ADAMTS12: variants seen among roughly 807,000 people sequenced by gnomAD.
ADAMTS12 encodes the protein ADAM metallopeptidase with thrombospondin type 1 motif 12, also known as A disintegrin and metalloproteinase with thrombospondin motifs 12.
A neutral mutation model predicts 167.8 loss-of-function variants in ADAMTS12; 118 were observed. That is an observed-to-expected ratio of 0.70 (90% confidence interval 0.61 to 0.82). The LOEUF is 0.82. Ranked by LOEUF, ADAMTS12 falls within the 40% of genes least tolerant of loss-of-function variation. ADAMTS12 has a pLI of 0.00. For synonymous variants in ADAMTS12, 704 were observed against 716.9 expected, an observed-to-expected ratio of 0.98 and a Z score of 0.29; for missense variants, 1,916 against 1,998.8, an observed-to-expected ratio of 0.96 and a Z score of 0.79.
intron 2 of ADAMTS12, among the ~76,000 whole-genome samples, chr5:33,754,872 A>G (rs770479783): frequency 3.5e-4 from 54 of 152,332 alleles, no homozygotes; most frequent in Middle Eastern, 6.8e-3. Flanking sequence ...AAATAAATAA[A>G]TAAATAAATA....
intron 1 of ADAMTS12, among the ~76,000 whole-genome samples, chr5:33,889,548 CCTT>C (rs1339117655): frequency 6.6e-6 from 1 of 152,186 alleles, no homozygotes; most frequent in Non-Finnish European, 1.5e-5. Context: ...TTGTGACTTT[CCTT>C]CTTAATTCTA....
intron 3 of ADAMTS12, among the ~76,000 whole-genome samples, chr5:33,727,265 G>A (rs1265347418): frequency 2.6e-5 from 4 of 151,886 alleles, no homozygotes; most frequent in African/African-American, 9.7e-5. Context: ...GTGACGACGC[G>A]TGTGTGTCCT....
intron 2 of ADAMTS12, among the ~76,000 whole-genome samples, chr5:33,815,723 A>G (rs1012363644): frequency 2.0e-5 from 3 of 152,232 alleles, no homozygotes; most frequent in African/African-American, 7.2e-5. Flanking sequence ...AGGAGCGCAT[A>G]GTCCTGAAAG....
intron 3 of ADAMTS12, among the ~76,000 whole-genome samples, chr5:33,703,073 G>A (rs1374278129): frequency 3.9e-5 from 6 of 152,128 alleles, no homozygotes; most frequent in Non-Finnish European, 7.3e-5. Context: ...TATGCATCAC[G>A]TGACTAGCAA....
chr5:33,697,393 T>C (rs1280199074), intron 3 of ADAMTS12, among the ~76,000 whole-genome samples: 1 of 152,216 alleles, frequency 6.6e-6, no homozygotes, highest in Non-Finnish European at 1.5e-5. Context: ...GAGCACCTGT[T>C]TGTTTCCCGT....
chr5:33,706,741 T>A (rs1743215502), intron 3 of ADAMTS12, among the ~76,000 whole-genome samples: 1 of 152,154 alleles, frequency 6.6e-6, no homozygotes, highest in African/African-American at 2.4e-5. Flanking sequence ...AGGCCTTCGA[T>A]AAAAGTCAAC....
intron 2 of ADAMTS12, among the ~76,000 whole-genome samples, chr5:33,819,683 G>A (rs1747798312): frequency 6.6e-6 from 1 of 152,034 alleles, no homozygotes; most frequent in Admixed American, 6.6e-5. Context: ...ACTTTGGGAA[G>A]CATGGACATT....
At chr5:33,645,147 ATT>A (rs1697242064) in intron 9 of ADAMTS12, among the ~76,000 whole-genome samples, 1 of 7,806 alleles carries the variant, frequency 1.3e-4, no homozygotes, top group South Asian at 6.3e-3. Context: ...TGCTTTATTT[ATT>A]ATTATTATTA....
chr5:33,825,113 G>A (rs1748012703), intron 2 of ADAMTS12, among the ~76,000 whole-genome samples: 1 of 152,180 alleles, frequency 6.6e-6, no homozygotes, highest in South Asian at 2.1e-4. Flanking sequence ...TCCTAATAGA[G>A]TTCCCGGGAA....
chr5:33,618,101 C>T (rs1241855870), intron 14 of ADAMTS12, among the ~76,000 whole-genome samples: 1 of 152,178 alleles, frequency 6.6e-6, no homozygotes, highest in African/African-American at 2.4e-5. Flanking sequence ...TCCACTAATA[C>T]ATATTTTTTG....
intron 2 of ADAMTS12, among the ~76,000 whole-genome samples, chr5:33,802,272 C>T (rs1173771036): frequency 6.6e-6 from 1 of 152,184 alleles, no homozygotes; most frequent in Admixed American, 6.5e-5. Context: ...CAACACTAAT[C>T]AAACAGCATT....
At chr5:33,878,430 C>A (rs199598693) in intron 2 of ADAMTS12, among the ~76,000 whole-genome samples, 5 of 152,102 alleles carry the variant, frequency 3.3e-5, no homozygotes, top group African/African-American at 1.2e-4. Context: ...TGCTTCTGAA[C>A]GTCGTATGAA....
At chr5:33,698,486 G>A (rs543269791) in intron 3 of ADAMTS12, among the ~76,000 whole-genome samples, 1 of 152,166 alleles carries the variant, frequency 6.6e-6, no homozygotes, top group Non-Finnish European at 1.5e-5. Context: ...ATGTCAAGGG[G>A]GAATGAGTGA....
chr5:33,641,934 T>C lies in ADAMTS12; in HGVS notation c.1594A>G (p.Ile532Val). 6.2e-7 allele frequency: 1 copy of C among 1,613,158 alleles called. No individual in the cohort carries two copies. Among genetic ancestry groups the C allele is most frequent in the Non-Finnish European group, 8.5e-7 (1 of 1,179,388 alleles). The change falls in exon 11 of 24, where the codon ATC (isoleucine) becomes GTC (valine). Residue 532 changes from isoleucine (I) to valine (V), a missense_variant. Transcript: ENST00000504830. ...CTCTCTGGTTTCTTCCCCACTGTGA[T>C]GCACTTGCCTGCCATACACCACTGG... ...EKKWCMAGKC[I>V]TVGKKPESIP... is the part of the protein sequence containing the mutation.
chr5:33,549,571 C>T (rs1745155043), intron 20 of ADAMTS12, among the ~76,000 whole-genome samples, 188 bp from the exon 21 acceptor site: 1 of 152,228 alleles, frequency 6.6e-6, no homozygotes, highest in Non-Finnish European at 1.5e-5. Context: ...TGTCGGGAAA[C>T]ACATGCATAG....
chr5:33,604,317 C>T (rs1738325124), intron 16 of ADAMTS12, among the ~76,000 whole-genome samples: 1 of 152,108 alleles, frequency 6.6e-6, no homozygotes, highest in Non-Finnish European at 1.5e-5. Context: ...GCCTGGCCAA[C>T]ATGGCGAAAC....
chr5:33,727,947 C>A, intron 3 of ADAMTS12, among the ~76,000 whole-genome samples: 1 of 152,212 alleles, frequency 6.6e-6, no homozygotes, highest in East Asian at 1.9e-4. Flanking sequence ...TCACACTCTA[C>A]GCTCAGCATC....
At position 33,790,769 on chromosome 5, in the gene ADAMTS12, C is replaced by T. The variant is rs973732612; in HGVS notation, c.490-39221G>A. On this transcript the variant is annotated intron_variant, in intron 2 of 23. Transcript: ENST00000504830. ...TACTTGACTCTAATCAAACTTCTAG[C>T]TTGACATACAAACATATATATATAT... is the stretch of plus-strand genomic sequence containing the variant. 3.9e-5 allele frequency among the ~76,000 whole-genome samples: 5 copies of T among 128,484 alleles called. No individual in the cohort carries two copies. The East Asian group carries it at 1.1e-3, about 28-fold the overall frequency. 84.3% of individuals were successfully genotyped at this position (128,484 alleles called of 152,430 possible). A position where few individuals can be genotyped will look rare whatever the true frequency, so the allele number is the denominator to read the frequency against.
chr5:33,829,369 G>A (rs1357777854), intron 2 of ADAMTS12, among the ~76,000 whole-genome samples: 1 of 152,098 alleles, frequency 6.6e-6, no homozygotes, highest in East Asian at 1.9e-4. Flanking sequence ...TGTGTGCTTG[G>A]ATTTAATTCT....
Sources: allele counts gnomAD v4.1 joint callset (sites outside exome capture counted in the v4.1 genomes callset), GRCh38; gene constraint gnomAD v4.1.1; transcripts MANE v1.5; gene names NCBI Gene and HGNC (gene_info 2026-07-23, HGNC 2026-07-21).